The following PPM1L variants were observed in gnomAD, a reference collection of about 807,000 sequenced individuals.
PPM1L encodes the protein protein phosphatase, Mg2+/Mn2+ dependent 1L.
A neutral mutation model predicts 31.4 loss-of-function variants in PPM1L; 13 were observed. The observed-to-expected ratio is 0.41, with a 90% CI of 0.27 to 0.66. PPM1L has a LOEUF of 0.66. Among genes scored for constraint, PPM1L ranks in the 30% least tolerant of loss-of-function variants. PPM1L has a pLI of 0.29. For missense variants in PPM1L, 326 were observed against 453.7 expected (o/e 0.72, Z 2.56); for synonymous variants, 184 against 175.4 (o/e 1.05, Z -0.39).
intron 2 of PPM1L, among the ~76,000 whole-genome samples, chr3:161,037,563 C>T (rs898184077): frequency 9.3e-5 from 14 of 149,938 alleles, no homozygotes; most frequent in Non-Finnish European, 1.2e-4. Context: ...TACAGGCATG[C>T]GCCACCATGC....
intron 1 of PPM1L, among the ~76,000 whole-genome samples, chr3:160,859,665 T>C (rs1711828521): frequency 6.6e-6 from 1 of 152,214 alleles, no homozygotes; most frequent in African/African-American, 2.4e-5. Context: ...TGCTTGATAT[T>C]AAAATGATAA....
At chr3:160,787,854 G>T (rs1711982566) in intron 1 of PPM1L, among the ~76,000 whole-genome samples, 2 of 152,050 alleles carry the variant, frequency 1.3e-5, no homozygotes, top group Admixed American at 6.6e-5. Flanking sequence ...ATTGAATAGG[G>T]ATTGAATAGG....
intron 2 of PPM1L, among the ~76,000 whole-genome samples, chr3:160,971,820 G>C (rs538922856): frequency 6.6e-6 from 1 of 152,174 alleles, no homozygotes; most frequent in South Asian, 2.1e-4. Flanking sequence ...CTGGAGTGCC[G>C]TGGCATGATC....
chr3:160,860,166 T>A (rs1431578381), intron 1 of PPM1L, among the ~76,000 whole-genome samples: 1 of 152,162 alleles, frequency 6.6e-6, no homozygotes, highest in African/African-American at 2.4e-5. Context: ...GATTTTAAAA[T>A]CTGGACTGAG....
At chr3:160,966,982 C>G (rs1716170323) in intron 2 of PPM1L, among the ~76,000 whole-genome samples, 1 of 152,012 alleles carries the variant, frequency 6.6e-6, no homozygotes, top group Non-Finnish European at 1.5e-5. Context: ...TTGGCTGTGT[C>G]CCCACTCAAA....
chr3:160,880,580 A>T (rs1288197444), intron 1 of PPM1L, among the ~76,000 whole-genome samples: 1 of 152,102 alleles, frequency 6.6e-6, no homozygotes, highest in Admixed American at 6.5e-5. Flanking sequence ...ATACTCCCAA[A>T]TATGTGTTCC....
At chr3:160,924,067 G>C (rs959928975) in intron 1 of PPM1L, among the ~76,000 whole-genome samples, 1 of 152,112 alleles carries the variant, frequency 6.6e-6, no homozygotes, top group Non-Finnish European at 1.5e-5. Flanking sequence ...TTAAAAGTCT[G>C]TTTTCATTAG....
chr3:160,943,267 A>G (rs1290041729), intron 1 of PPM1L, among the ~76,000 whole-genome samples: 1 of 152,200 alleles, frequency 6.6e-6, no homozygotes, highest in Non-Finnish European at 1.5e-5. Flanking sequence ...AATCATCAAG[A>G]AAATGCTGGA....
At chr3:161,025,204 G>A (rs1461066634) in intron 2 of PPM1L, among the ~76,000 whole-genome samples, 1 of 152,080 alleles carries the variant, frequency 6.6e-6, no homozygotes, top group Non-Finnish European at 1.5e-5. Context: ...ATCAAGAGGT[G>A]GGGCCTTTAA....
chr3:160,781,774 G>T (rs1258970614), intron 1 of PPM1L, among the ~76,000 whole-genome samples: 1 of 152,198 alleles, frequency 6.6e-6, no homozygotes. Context: ...CTAACGATAT[G>T]GGGGTTGAGC....
intron 2 of PPM1L, among the ~76,000 whole-genome samples, chr3:160,971,454 A>C (rs1716340851): frequency 6.6e-6 from 1 of 152,182 alleles, no homozygotes; most frequent in African/African-American, 2.4e-5. Flanking sequence ...ATGTGTGCTC[A>C]TGTGGGAGGG....
At chr3:160,865,807 G>T (rs1157424707) in intron 1 of PPM1L, among the ~76,000 whole-genome samples, 2 of 152,086 alleles carry the variant, frequency 1.3e-5, no homozygotes, top group African/African-American at 4.8e-5. Context: ...AGACAAATTG[G>T]TCTTTTAGCA....
chr3:160,944,872 T>TATATATAAC lies in PPM1L; in HGVS notation c.400-16859_400-16858insTAACATATA, dbSNP rs1715318544. The stretch of plus-strand genomic sequence containing the variant: ...ATAACATATATTATATATAATGTTA[T>TATATATAAC]ATATAACATATATATTATATATAAC... On this transcript the variant is annotated intron_variant, in intron 1 of 3. Coordinates refer to ENST00000498165, the MANE Select transcript of PPM1L (RefSeq NM_139245.4). Among the ~76,000 whole-genome samples the TATATATAAC allele has an allele frequency of 9.2e-5, 3 of 32,616 alleles. 1 individual carries two copies. Among genetic ancestry groups the TATATATAAC allele is most frequent in the African/African-American group, 2.5e-4 (3 of 12,162 alleles). 21.4% of individuals were successfully genotyped at this position (32,616 alleles called of 152,430 possible).
At chr3:161,013,716 A>G (rs4679929) in intron 2 of PPM1L, among the ~76,000 whole-genome samples, 54,665 of 151,940 alleles carry the variant, frequency 0.36, 10,346 homozygotes, top group East Asian at 0.64. Context: ...TCCTGTATTG[A>G]GTGCATATAT....
chr3:160,860,228 G>C (rs1462517376), intron 1 of PPM1L, among the ~76,000 whole-genome samples: 1 of 152,164 alleles, frequency 6.6e-6, no homozygotes, highest in Non-Finnish European at 1.5e-5. Context: ...ACCACGTCCA[G>C]ATGCCTTCCT....
intron 2 of PPM1L, among the ~76,000 whole-genome samples, chr3:161,017,014 A>G (rs1411534248): frequency 1.3e-5 from 2 of 152,286 alleles, no homozygotes; most frequent in African/African-American, 4.8e-5. Context: ...TTGCCAAGTC[A>G]TGAAAGAGCC....
chr3:161,054,297 A>G (rs1459264940), intron 2 of PPM1L, among the ~76,000 whole-genome samples: 2 of 152,066 alleles, frequency 1.3e-5, no homozygotes, highest in Non-Finnish European at 2.9e-5. Context: ...TAGGGCTGCT[A>G]CCAGTCTCTC....
chr3:160,836,307 A>G (rs989859147), intron 1 of PPM1L, among the ~76,000 whole-genome samples: 13 of 150,958 alleles, frequency 8.6e-5, no homozygotes, highest in African/African-American at 3.2e-4. Context: ...TTTTCTTTGG[A>G]AGGAAAGGAA....
At chr3:160,884,582 A>G (rs575824812) in intron 1 of PPM1L, among the ~76,000 whole-genome samples, 1 of 152,300 alleles carries the variant, frequency 6.6e-6, no homozygotes, top group South Asian at 2.1e-4. Context: ...AATCGCTTTG[A>G]CACCATTACG....
Sources: gnomAD v4.1 joint callset for allele counts (sites outside exome capture counted in the v4.1 genomes callset) on GRCh38, gnomAD v4.1.1 for gene constraint, MANE v1.5 for transcripts, NCBI Gene and HGNC (gene_info 2026-07-23, HGNC 2026-07-21) for gene names.